The following SCARA3 variants were observed in gnomAD, a reference collection of about 807,000 sequenced individuals.
SCARA3 encodes scavenger receptor class A member 3, also known as cellular stress response gene protein.
In SCARA3, 39 loss-of-function variants were observed where a neutral mutation model predicts 47.0. That is an observed-to-expected ratio of 0.83 (90% CI 0.64 to 1.08). The LOEUF is 1.08. SCARA3 is among the 50% of genes least tolerant of loss of function. The pLI is 0.00. For missense variants in SCARA3, 724 were observed against 792.3 expected (o/e 0.91, Z 1.04); for synonymous variants, 356 against 334.1 (o/e 1.07, Z -0.71).
chr8:27,683,623 T>TA, the SCARA3 span, among the ~76,000 whole-genome samples: 2 of 152,180 alleles, frequency 1.3e-5, no homozygotes, highest in East Asian at 3.8e-4. Flanking sequence ...ATCTACCAGA[T>TA]GACTCAGCAT....
chr8:27,663,458 C>T (rs759920656), intron 5 of SCARA3, among the ~76,000 whole-genome samples: 26 of 152,198 alleles, frequency 1.7e-4, no homozygotes, highest in Admixed American at 3.9e-4. Context: ...GTGCCTTCAG[C>T]GCCTGCTCAG....
intron 5 of SCARA3, among the ~76,000 whole-genome samples, chr8:27,668,674 A>T (rs1270930751): frequency 6.6e-6 from 1 of 152,160 alleles, no homozygotes; most frequent in East Asian, 1.9e-4. Flanking sequence ...AGCCTGGGCA[A>T]CATAGTGAAA....
At chr8:27,718,838 T>C in the SCARA3 span, among the ~76,000 whole-genome samples, 2 of 152,252 alleles carry the variant, frequency 1.3e-5, no homozygotes, top group African/African-American at 4.8e-5. Flanking sequence ...TGTATTCTTA[T>C]AACTAATTTC....
downstream of SCARA3, among the ~76,000 whole-genome samples, chr8:27,673,384 A>C (rs1802211872): frequency 6.6e-6 from 1 of 152,266 alleles, no homozygotes; most frequent in South Asian, 2.1e-4. Flanking sequence ...GAAAGGAGGC[A>C]GAGACCAGGC....
intron 1 of SCARA3, among the ~76,000 whole-genome samples, chr8:27,641,667 A>G (rs1206572774): frequency 6.6e-6 from 1 of 152,170 alleles, no homozygotes; most frequent in East Asian, 1.9e-4. Flanking sequence ...AACTTGGAGG[A>G]AGGAGAGCGA....
chr8:27,691,837 G>T, the SCARA3 span, among the ~76,000 whole-genome samples: 1 of 152,180 alleles, frequency 6.6e-6, no homozygotes, highest in African/African-American at 2.4e-5. Flanking sequence ...AGATCACTCA[G>T]GTTTCAGGTA....
At chr8:27,676,578 T>A, downstream of SCARA3, 1 of 1,598,136 alleles carries the variant, frequency 6.3e-7, no homozygotes, top group Non-Finnish European at 8.6e-7. Context: ...GGTCACACTT[T>A]GTTTTCACAT....
At chr8:27,684,218 A>G in the SCARA3 span, among the ~76,000 whole-genome samples, 2 of 152,228 alleles carry the variant, frequency 1.3e-5, no homozygotes, top group Non-Finnish European at 2.9e-5. Context: ...ACTTTAAAAA[A>G]AGTCATAAAA....
the SCARA3 span, among the ~76,000 whole-genome samples, chr8:27,689,590 G>A: frequency 6.6e-6 from 1 of 152,180 alleles, no homozygotes; most frequent in Non-Finnish European, 1.5e-5. Flanking sequence ...GTTGTGTTTG[G>A]ATGTGGGTGT....
rs1452405553 is a variant in SCARA3, at chr8:27,659,426, T to A, written c.1256T>A (p.Leu419Gln). Residue 419 changes from leucine to glutamine, a missense_variant, in exon 5 of 6, where the codon CTG becomes CAG. By Grantham distance (113) the Leu-to-Gln change is moderately radical. Coordinates refer to ENST00000301904, the MANE Select transcript of SCARA3 (RefSeq NM_016240.3). ...TTDLLRERFSLLSARLDLNVR... is the reference protein window; with the variant it reads ...TTDLLRERFSQLSARLDLNVR... ...GACCTGCTCCGGGAGCGCTTCAGCC[T>A]GCTCAGTGCCCGGCTGGACCTCAAC... The A allele has an allele frequency of 6.2e-7, 1 of 1,613,880 alleles. No individual in the cohort carries two copies.
chr8:27,718,650 A>G, the SCARA3 span, among the ~76,000 whole-genome samples: 1 of 152,242 alleles, frequency 6.6e-6, no homozygotes, highest in African/African-American at 2.4e-5. Context: ...TCAGGCCACA[A>G]AAGATGCAAT....
the SCARA3 span, among the ~76,000 whole-genome samples, chr8:27,715,317 A>AAT: frequency 6.6e-6 from 1 of 152,000 alleles, no homozygotes; most frequent in Admixed American, 6.6e-5. This position sits in a 1 kb window ranked among gnomAD's most constrained non-coding sequence, Gnocchi z 4.2. Context: ...TATTTTCCTT[A>AAT]ATATATATAC....
chr8:27,724,398 T>G, the SCARA3 span, among the ~76,000 whole-genome samples: 1 of 152,168 alleles, frequency 6.6e-6, no homozygotes, highest in Non-Finnish European at 1.5e-5. Flanking sequence ...GCACAGTGGC[T>G]CAAGCCTGTA....
intron 1 of SCARA3, among the ~76,000 whole-genome samples, chr8:27,640,948 T>C (rs4732598): frequency 0.14 from 20,584 of 152,252 alleles, 1,523 homozygotes; most frequent in East Asian, 0.29. Context: ...CCTCCTGCCT[T>C]AGCCTCCCAA....
intron 1 of SCARA3, among the ~76,000 whole-genome samples, chr8:27,636,547 G>A (rs1002193954): frequency 2.6e-5 from 4 of 152,200 alleles, no homozygotes; most frequent in Admixed American, 2.6e-4. Flanking sequence ...AGGAGGACCC[G>A]CTGACACCAC....
intron 5 of SCARA3, among the ~76,000 whole-genome samples, chr8:27,660,622 A>AGATAGATAGAT: frequency 7.4e-6 from 1 of 135,400 alleles, no homozygotes; most frequent in Admixed American, 7.5e-5. Flanking sequence ...GATAGATGAT[A>AGATAGATAGAT]GATAGATAGA....
chr8:27,663,403 G>T (rs1464472553), intron 5 of SCARA3, among the ~76,000 whole-genome samples: 1 of 152,242 alleles, frequency 6.6e-6, no homozygotes, highest in Non-Finnish European at 1.5e-5. Flanking sequence ...GGTAGCAGGA[G>T]CGGGACCCCT....
Position 27,672,445 on chromosome 8 carries a change from G to A in SCARA3, c.*1094G>A, listed in dbSNP as rs1802189011. 1 of 985,588 alleles carries A rather than the reference G, an allele frequency of 1.0e-6. No individual in the cohort carries two copies. The highest frequency in any genetic ancestry group is 6.1e-5 in the Admixed American group (1 of 16,298). The allele number at this position is 985,588 out of a possible 1,614,324, so 61.1% of individuals were successfully genotyped here. A position where few individuals can be genotyped will look rare whatever the true frequency, so the allele number is the denominator to read the frequency against. On this transcript the variant is annotated 3_prime_UTR_variant, in exon 6 of 6. Transcript: ENST00000301904. The stretch of plus-strand genomic sequence containing the variant: ...CTGGCCTGCCCCATTCCCCAAGGGG[G>A]CTCCTCTGGAGTGGTGGGGAGGATT...
At chr8:27,685,846 A>G in the SCARA3 span, among the ~76,000 whole-genome samples, 3 of 151,258 alleles carry the variant, frequency 2.0e-5, no homozygotes, top group Admixed American at 1.3e-4. Context: ...ATGTTAAACA[A>G]CACCATTTTT....
Sources: gnomAD v4.1 joint callset for allele counts (sites outside exome capture counted in the v4.1 genomes callset) on GRCh38, gnomAD v4.1.1 for gene constraint, Gnocchi (gnomAD v3.1) non-coding constraint, MANE v1.5 for transcripts, NCBI Gene and HGNC (gene_info 2026-07-23, HGNC 2026-07-21) for gene names.